MGAT4D: variants seen among roughly 807,000 people sequenced by gnomAD.
MGAT4D encodes the protein MGAT4 family member D.
Under a neutral mutation model 15.9 loss-of-function variants are expected in MGAT4D, and 34 were observed. The ratio of observed to expected loss-of-function variants is 2.14; its 90% CI spans 1.62 to 2.84. The LOEUF is 2.84. Ranked by LOEUF, MGAT4D falls within the 30% of genes most tolerant of loss-of-function variation. The pLI is 0.00. For missense variants in MGAT4D, 327 were observed against 140.2 expected (o/e 2.33, Z -6.73); for synonymous variants, 112 against 48.2 (o/e 2.33, Z -5.49).
intron 4 of MGAT4D, among the ~76,000 whole-genome samples, chr4:140,473,564 G>A (rs6855140): frequency 0.25 from 37,496 of 152,134 alleles, 4,985 homozygotes; most frequent in East Asian, 0.48. Context: ...AGGCATAGAT[G>A]AATTAAGTAA....
chr4:140,488,020 A>T (rs1298174648), intron 1 of MGAT4D, among the ~76,000 whole-genome samples: 3 of 152,198 alleles, frequency 2.0e-5, no homozygotes, highest in African/African-American at 7.2e-5. Context: ...GCTGTGACAG[A>T]CCACTTTCAT....
At chr4:140,455,082 T>G (rs976720282) in intron 9 of MGAT4D, among the ~76,000 whole-genome samples, 29 of 152,160 alleles carry the variant, frequency 1.9e-4, no homozygotes, top group Non-Finnish European at 4.0e-4. Flanking sequence ...TGCTGTTTTC[T>G]TTTACTATTA....
At chr4:140,467,515 T>C (rs889195690) in intron 5 of MGAT4D, among the ~76,000 whole-genome samples, 10 of 152,168 alleles carry the variant, frequency 6.6e-5, no homozygotes, top group Non-Finnish European at 1.2e-4. Flanking sequence ...TCTACTTTGA[T>C]GATATAATTC....
At chr4:140,494,547 A>G (rs1733711343) in intron 1 of MGAT4D, among the ~76,000 whole-genome samples, 1 of 152,206 alleles carries the variant, frequency 6.6e-6, no homozygotes, top group Admixed American at 6.5e-5. Context: ...CCTGATGCAG[A>G]CTGATATATC....
At chr4:140,494,272 A>T (rs548057657) in intron 1 of MGAT4D, among the ~76,000 whole-genome samples, 1 of 152,328 alleles carries the variant, frequency 6.6e-6, no homozygotes, top group African/African-American at 2.4e-5. Context: ...TGCTGCATTC[A>T]CTAAGAATGT....
At chr4:140,461,064 C>T (rs954135050) in intron 7 of MGAT4D, among the ~76,000 whole-genome samples, 3 of 152,102 alleles carry the variant, frequency 2.0e-5, no homozygotes, top group African/African-American at 7.2e-5. Flanking sequence ...AATGAGTTTT[C>T]TTTTTTATTT....
At chr4:140,492,550 C>T (rs144534646) in intron 1 of MGAT4D, among the ~76,000 whole-genome samples, 2,166 of 151,858 alleles carry the variant, frequency 0.014, 26 homozygotes, top group South Asian at 0.045. Context: ...ATTGCTTGGA[C>T]CTGGGAGGTG....
intron 1 of MGAT4D, among the ~76,000 whole-genome samples, chr4:140,485,845 A>AAAAAAAAAAAAAAAAC (rs1733086962): frequency 7.3e-6 from 1 of 137,924 alleles, no homozygotes; most frequent in Non-Finnish European, 1.5e-5. Flanking sequence ...AAAAAAAAAA[A>AAAAAAAAAAAAAAAAC]AAAGCAATGA....
At chr4:140,457,373 A>G (rs945178717) in intron 8 of MGAT4D, 1 of 152,130 alleles carries the variant, frequency 6.6e-6, no homozygotes, top group African/African-American at 2.4e-5. Flanking sequence ...ATAAATATGA[A>G]AGTCGGATGT....
At chr4:140,489,710 G>A (rs1466064994) in intron 1 of MGAT4D, among the ~76,000 whole-genome samples, 1 of 152,088 alleles carries the variant, frequency 6.6e-6, no homozygotes, top group Non-Finnish European at 1.5e-5. Context: ...TTTTACTGAT[G>A]TAAAATGTTC....
intron 1 of MGAT4D, among the ~76,000 whole-genome samples, chr4:140,483,087 G>C (rs948443650): frequency 7.9e-5 from 12 of 152,066 alleles, no homozygotes; most frequent in Non-Finnish European, 1.5e-4. Context: ...GGGGAAAATT[G>C]CTTAATTTTT....
intron 1 of MGAT4D, among the ~76,000 whole-genome samples, chr4:140,495,039 C>T (rs369090915): frequency 6.6e-6 from 1 of 152,150 alleles, no homozygotes; most frequent in Non-Finnish European, 1.5e-5. Context: ...TGATGGCTTC[C>T]GATCTTACTC....
chr4:140,456,604 G>T lies in MGAT4D; in HGVS notation c.993C>A (p.Asp331Glu), dbSNP rs1020260611. 1.2e-5 allele frequency: 8 copies of T among 671,356 alleles called. No homozygotes were observed. Among genetic ancestry groups the T allele is most frequent in the Non-Finnish European group, 2.2e-5 (8 of 370,290 alleles). The allele number at this position is 671,356 out of a possible 1,614,324, so 41.6% of individuals were successfully genotyped here. ...AAATACTCACAAGATCTTCTCCTGC[G>T]TCACACACCTTTACCTGAAAAATGT... is the stretch of plus-strand genomic sequence containing the variant. ...LNDIFQVKVC[D>E]AGEDLRNCMK... Residue 331 changes from aspartate (D) to glutamate (E), a missense_variant, in exon 9 of 11, where the codon GAC becomes GAA. Transcript: ENST00000511113.
At chr4:140,480,182 G>A (rs574533569) in intron 2 of MGAT4D, among the ~76,000 whole-genome samples, 2 of 152,146 alleles carry the variant, frequency 1.3e-5, no homozygotes, top group East Asian at 3.9e-4. Flanking sequence ...TACAGAAGTA[G>A]GTTCACAAAA....
chr4:140,450,417 G>A (rs776481166), intron 10 of MGAT4D, among the ~76,000 whole-genome samples: 1 of 152,218 alleles, frequency 6.6e-6, no homozygotes, highest in Non-Finnish European at 1.5e-5. Context: ...TATGCATTCT[G>A]ATGGTGTGAC....
chr4:140,443,359 A>C lies in MGAT4D; in HGVS notation c.*77T>G, dbSNP rs1729889164. 4.4e-6 allele frequency: 2 copies of C among 459,728 alleles called. No individual in the cohort carries two copies. Among genetic ancestry groups the C allele is most frequent in the African/African-American group, 4.0e-5 (2 of 49,404 alleles). 28.5% of individuals were successfully genotyped at this position (459,728 alleles called of 1,614,324 possible). ...TAGATAATTATGTATTTTCATTACT[A>C]CAATTTCTGAAACATGCCATTAGAT... is the stretch of plus-strand genomic sequence containing the variant. On this transcript the variant is annotated 3_prime_UTR_variant, in exon 11 of 11. Transcript: ENST00000511113.
chr4:140,489,496 C>T (rs1315363126), intron 1 of MGAT4D, among the ~76,000 whole-genome samples: 7 of 152,098 alleles, frequency 4.6e-5, no homozygotes, highest in African/African-American at 9.7e-5. Context: ...GATCCAATTC[C>T]CCTTCCTCCC....
At chr4:140,487,568 T>C (rs931934022) in intron 1 of MGAT4D, among the ~76,000 whole-genome samples, 2 of 152,198 alleles carry the variant, frequency 1.3e-5, no homozygotes, top group African/African-American at 4.8e-5. Context: ...ATATCCAAAA[T>C]GTTTCAACAT....
At chr4:140,482,856 C>G (rs1219477997) in intron 1 of MGAT4D, among the ~76,000 whole-genome samples, 1 of 152,016 alleles carries the variant, frequency 6.6e-6, no homozygotes, top group Non-Finnish European at 1.5e-5. Flanking sequence ...AAAAATACAT[C>G]TAAGAAATTA....
Sources: allele counts gnomAD v4.1 joint callset (sites outside exome capture counted in the v4.1 genomes callset), GRCh38; gene constraint gnomAD v4.1.1; transcripts MANE v1.5; gene names NCBI Gene and HGNC (gene_info 2026-07-23, HGNC 2026-07-21).